Variants in XPO6 observed in about 807,000 individuals in gnomAD.
XPO6 encodes exportin-6.
A neutral mutation model predicts 130.0 loss-of-function variants in XPO6; 3 were observed. That is an observed-to-expected ratio of 0.02 (90% CI 0.01 to 0.06). The LOEUF (loss-of-function observed/expected upper bound fraction) is 0.06. XPO6 is among the 10% of genes least tolerant of loss of function. The probability of loss-of-function intolerance (pLI) is 1.00; values close to 1 mark genes in which losing one functional copy is unlikely to be tolerated. For synonymous variants in XPO6, 524 were observed against 548.9 expected (o/e 0.95, Z 0.63); for missense variants, 970 against 1,393.0 (o/e 0.70, Z 4.83).
chr16:28,190,934 G>A (rs577756596), intron 1 of XPO6, among the ~76,000 whole-genome samples: 2 of 152,310 alleles, frequency 1.3e-5, no homozygotes, highest in Non-Finnish European at 2.9e-5. Flanking sequence ...ATTAACGGTA[G>A]GTGAGTTTGG....
chr16:28,186,260 C>T (rs1054558899), intron 1 of XPO6, among the ~76,000 whole-genome samples: 2 of 151,976 alleles, frequency 1.3e-5, no homozygotes, highest in Admixed American at 6.6e-5. Context: ...TCATCTCCTG[C>T]CTACGTTACT....
intron 8 of XPO6, among the ~76,000 whole-genome samples, chr16:28,151,540 G>T (rs2043089666): frequency 6.6e-6 from 1 of 152,134 alleles, no homozygotes; most frequent in Middle Eastern, 3.2e-3. Context: ...TCAGGCCTGG[G>T]GTTACTTCTG....
At chr16:28,109,447 C>T (rs980151953) in intron 17 of XPO6, among the ~76,000 whole-genome samples, 11 of 152,030 alleles carry the variant, frequency 7.2e-5, no homozygotes, top group Admixed American at 2.0e-4. Context: ...TGCCAAGCAC[C>T]TTCCCAATGG....
intron 2 of XPO6, among the ~76,000 whole-genome samples, chr16:28,180,286 A>T (rs1270475712): frequency 6.6e-6 from 1 of 152,060 alleles, no homozygotes; most frequent in Non-Finnish European, 1.5e-5. Flanking sequence ...AATCGCTTGA[A>T]CCCAGGAGGC....
At chr16:28,167,956 T>A (rs982733247) in intron 5 of XPO6, among the ~76,000 whole-genome samples, 1 of 152,084 alleles carries the variant, frequency 6.6e-6, no homozygotes, top group East Asian at 1.9e-4. Context: ...GGGAGGGTAC[T>A]GCTAATGGGT....
At chr16:28,136,392 G>C (rs2042775721) in intron 9 of XPO6, among the ~76,000 whole-genome samples, 1 of 152,090 alleles carries the variant, frequency 6.6e-6, no homozygotes, top group Non-Finnish European at 1.5e-5. Flanking sequence ...GCTAATTTTT[G>C]TATTTTTAGT....
chr16:28,196,920 T>C (rs1052792194), intron 1 of XPO6, among the ~76,000 whole-genome samples: 1 of 152,258 alleles, frequency 6.6e-6, no homozygotes, highest in Non-Finnish European at 1.5e-5. Context: ...GCCACCAAAA[T>C]TGGGAGCCAA....
chr16:28,107,732 A>G, intron 17 of XPO6, 55 bp from the exon 18 acceptor site: 1 of 1,597,946 alleles, frequency 6.3e-7, no homozygotes, highest in Non-Finnish European at 8.5e-7. Flanking sequence ...AAGCATGGTA[A>G]GAGGAGACAC....
chr16:28,137,061 C>T (rs2042794025), intron 9 of XPO6, among the ~76,000 whole-genome samples: 1 of 152,272 alleles, frequency 6.6e-6, no homozygotes, highest in Admixed American at 6.5e-5. Context: ...CAACAGACAC[C>T]TGGCAGAAGC....
At chr16:28,118,532 C>T (rs564782118) in intron 14 of XPO6, among the ~76,000 whole-genome samples, 140 of 152,104 alleles carry the variant, frequency 9.2e-4, no homozygotes, top group Non-Finnish European at 7.4e-5. Flanking sequence ...GGCTAATTGT[C>T]GTATTTTTTG....
intron 7 of XPO6, 24 bp from the exon 8 acceptor site, chr16:28,152,809 G>T: frequency 6.2e-7 from 1 of 1,603,736 alleles, no homozygotes; most frequent in Admixed American, 1.7e-5. Flanking sequence ...GACAAAAGGT[G>T]ACAATAAGAA....
At chr16:28,203,982 T>G (rs1003040940) in intron 1 of XPO6, among the ~76,000 whole-genome samples, 8 of 152,204 alleles carry the variant, frequency 5.3e-5, no homozygotes, top group Middle Eastern at 3.2e-3. Context: ...ACTACCTTGA[T>G]AGCCTTCTCT....
At chr16:28,144,958 A>G (rs573226571) in intron 9 of XPO6, among the ~76,000 whole-genome samples, 1 of 152,218 alleles carries the variant, frequency 6.6e-6, no homozygotes, top group East Asian at 1.9e-4. Context: ...CCCCTCATGC[A>G]CTGGTTTTAC....
chr16:28,112,251 A>C (rs552172292), intron 16 of XPO6, among the ~76,000 whole-genome samples: 1 of 152,326 alleles, frequency 6.6e-6, no homozygotes, highest in South Asian at 2.1e-4. Context: ...TTTCCTCTCT[A>C]ATCTGATACT....
At position 28,166,240 on chromosome 16, in the gene XPO6, T is replaced by C. The variant is rs1249245480; in HGVS notation, c.643+268A>G. On this transcript the variant is annotated intron_variant, in intron 6 of 23. Coordinates refer to ENST00000304658, the MANE Select transcript of XPO6 (RefSeq NM_015171.4). Reference sequence around the variant, plus strand: ...AAGCAGACGTTTCAAGCCCAAAGGCTCCTAACAATCTCAGCACAAGCACAT... The same window carrying C: ...AAGCAGACGTTTCAAGCCCAAAGGCCCCTAACAATCTCAGCACAAGCACAT... Among the ~76,000 whole-genome samples, 4 of 151,864 alleles carry C rather than the reference T, an allele frequency of 2.6e-5. No homozygotes were observed. In the East Asian group the frequency reaches 7.7e-4, roughly 29 times the overall value.
At chr16:28,122,221 T>C (rs2087260956) in intron 13 of XPO6, among the ~76,000 whole-genome samples, 2 of 152,044 alleles carry the variant, frequency 1.3e-5, no homozygotes, top group Non-Finnish European at 2.9e-5. Context: ...AGGGGGAGGA[T>C]AGAGTGGGTA....
chr16:28,124,013 T>C (rs557205414), intron 13 of XPO6, among the ~76,000 whole-genome samples: 1 of 151,840 alleles, frequency 6.6e-6, no homozygotes, highest in Non-Finnish European at 1.5e-5. Flanking sequence ...TCAGGATCTT[T>C]GAGACATCAT....
intron 18 of XPO6, 42 bp downstream of exon 18, chr16:28,107,480 G>A: frequency 6.2e-7 from 1 of 1,611,014 alleles, no homozygotes; most frequent in South Asian, 1.1e-5. Context: ...TCTGGCCCTT[G>A]TTAGCACCAC....
At position 28,140,455 on chromosome 16, in the gene XPO6, G is replaced by A. The variant is rs192911186; in HGVS notation, c.1335-5131C>T. Among the ~76,000 whole-genome samples, 411 of 152,160 alleles carry A rather than the reference G, an allele frequency of 2.7e-3. 1 individual carries two copies. Among genetic ancestry groups the A allele is most frequent in the African/African-American group, 8.8e-3 (364 of 41,530 alleles). On this transcript the variant is annotated intron_variant, in intron 9 of 23. Transcript: ENST00000304658. ...AGCACTTTGGGAGGCCAAGGCGGGCGGATCACAAGGTCATGAGATTGAGAC... is the reference window on the plus strand; with the variant it reads ...AGCACTTTGGGAGGCCAAGGCGGGCAGATCACAAGGTCATGAGATTGAGAC...
Sources: gnomAD v4.1 joint callset for allele counts (sites outside exome capture counted in the v4.1 genomes callset) on GRCh38, gnomAD v4.1.1 for gene constraint, MANE v1.5 for transcripts, NCBI Gene and HGNC (gene_info 2026-07-23, HGNC 2026-07-21) for gene names.